The following TUSC3 variants were observed in gnomAD, a reference collection of about 807,000 sequenced individuals.
TUSC3 encodes tumor suppressor candidate 3.
Under a neutral mutation model 44.8 loss-of-function variants are expected in TUSC3, and 45 were observed. That is an observed-to-expected ratio of 1.00 (90% CI 0.79 to 1.29). The LOEUF is 1.29. Among genes scored for constraint, TUSC3 ranks in the 50% most tolerant of loss-of-function variants. The pLI, the probability that TUSC3 is intolerant of heterozygous loss-of-function variation, is 0.00. For synonymous variants in TUSC3, 212 were observed against 152.9 expected (o/e 1.39, Z -2.85); for missense variants, 519 against 437.9 (o/e 1.19, Z -1.65).
chr8:15,828,426 A>G, the TUSC3 span, among the ~76,000 whole-genome samples: 6 of 152,302 alleles, frequency 3.9e-5, no homozygotes, highest in South Asian at 1.2e-3. Context: ...TGAACAGAGC[A>G]CTATTTGATT....
Position 15,634,033 on chromosome 8 carries a change from T to A in TUSC3, c.308+10784T>A, listed in dbSNP as rs963170786. On this transcript the variant is annotated intron_variant, in intron 2 of 10. Transcript: ENST00000503731. ...CATTTCAGAGAGATCTCTACTGTGA[T>A]CCGAGGGCTGTATACTTCCATAAAC... Among the ~76,000 whole-genome samples, 9 of 152,294 alleles carry A rather than the reference T, an allele frequency of 5.9e-5. 1 individual carries two copies. In the Middle Eastern group the frequency reaches 0.014, roughly 230 times the overall value.
intron 1 of TUSC3, among the ~76,000 whole-genome samples, chr8:15,570,954 G>GTTTTTTTTTCTTTTTTT (rs1802851052): frequency 2.2e-5 from 1 of 44,494 alleles, no homozygotes; most frequent in African/African-American, 5.7e-5. Flanking sequence ...TTGCCTATTA[G>GTTTTTTTTTCTTTTTTT]TTTTTTTTTT....
chr8:15,779,804 C>T, the TUSC3 span, among the ~76,000 whole-genome samples: 8 of 152,086 alleles, frequency 5.3e-5, no homozygotes, highest in Non-Finnish European at 1.5e-5. Flanking sequence ...CAACATCTAC[C>T]TCTGATTGTA....
At chr8:15,626,442 C>G (rs994392830) in intron 2 of TUSC3, among the ~76,000 whole-genome samples, 1 of 152,188 alleles carries the variant, frequency 6.6e-6, no homozygotes, top group African/African-American at 2.4e-5. Flanking sequence ...CAGACAGTAG[C>G]CCTACCCTGC....
chr8:15,521,637 A>G (rs553504772), intron 2 of TUSC3, among the ~76,000 whole-genome samples: 9 of 152,156 alleles, frequency 5.9e-5, no homozygotes, highest in Non-Finnish European at 1.2e-4. Context: ...AGGTACGTGC[A>G]TAAACTTTAA....
At position 15,540,642 on chromosome 8, in the gene TUSC3, G is replaced by A. The variant is rs117045759; in HGVS notation, c.138+74G>A. On this transcript the variant is annotated intron_variant, in intron 1 of 10. Coordinates refer to ENST00000503731, the MANE Select transcript of TUSC3 (RefSeq NM_006765.4). ...GTGGGCCGCGTTGCCAGGCAGCCCT[G>A]CCGTGTTGCTAGGCAGCCTGGTCGC... is the stretch of plus-strand genomic sequence containing the variant. 108,662 of 1,451,428 alleles carry A rather than the reference G, an allele frequency of 0.075. 5,732 individuals carry two copies. Among genetic ancestry groups the A allele is most frequent in the South Asian group, 0.26 (18,445 of 69,916 alleles). 89.9% of individuals were successfully genotyped at this position (1,451,428 alleles called of 1,614,324 possible).
chr8:15,632,292 T>G (rs1805808046), intron 2 of TUSC3, among the ~76,000 whole-genome samples: 1 of 152,128 alleles, frequency 6.6e-6, no homozygotes, highest in Non-Finnish European at 1.5e-5. Flanking sequence ...CCAAGCAACT[T>G]GCCTTTTATA....
rs2129225709 is a variant in TUSC3, at chr8:15,764,087, C to A, written c.*47-116C>A. 6 of 1,079,648 alleles carry A rather than the reference C, an allele frequency of 5.6e-6. No homozygotes were observed. The South Asian group carries it at 5.9e-5, about 11-fold the overall frequency. 66.9% of individuals were successfully genotyped at this position (1,079,648 alleles called of 1,614,324 possible). On this transcript the variant is annotated intron_variant, in intron 10 of 10. Coordinates refer to ENST00000503731, the MANE Select transcript of TUSC3 (RefSeq NM_006765.4). ...TGTAAAAATTACAATTAGTTGAATACAATTATGACATTTTAATGTTATATT... is the reference window on the plus strand; with the variant it reads ...TGTAAAAATTACAATTAGTTGAATAAAATTATGACATTTTAATGTTATATT...
At chr8:15,466,048 A>G (rs1018010471) in intron 1 of TUSC3, among the ~76,000 whole-genome samples, 1 of 152,192 alleles carries the variant, frequency 6.6e-6, no homozygotes, top group Admixed American at 6.5e-5. Flanking sequence ...TAAACTCAAT[A>G]TATCCCGCTT....
chr8:15,484,707 G>T (rs577113091), intron 2 of TUSC3, among the ~76,000 whole-genome samples: 1 of 152,264 alleles, frequency 6.6e-6, no homozygotes, highest in Admixed American at 6.5e-5. Context: ...GCACAGTGGC[G>T]CAGAGTCAGA....
chr8:15,635,695 G>T (rs781579624), intron 2 of TUSC3, among the ~76,000 whole-genome samples: 11 of 152,280 alleles, frequency 7.2e-5, no homozygotes, highest in South Asian at 2.1e-4. Flanking sequence ...GAACAGATGC[G>T]TATGATGCCT....
At position 15,730,824 on chromosome 8, in the gene TUSC3, T is replaced by C. The variant is rs983269477; in HGVS notation, c.862+95T>C. ...TCCTGGCAGTAAATATCAAGACTTT[T>C]AAGAGACATTAAATTTTAGGCTGTA... On this transcript the variant is annotated intron_variant, in intron 7 of 10. Transcript: ENST00000503731. The C allele has an allele frequency of 2.9e-5, 35 of 1,197,644 alleles. No individual in the cohort carries two copies. The African/African-American group carries it at 4.5e-4, about 16-fold the overall frequency. The allele number at this position is 1,197,644 out of a possible 1,614,324, so 74.2% of individuals were successfully genotyped here.
intron 7 of TUSC3, among the ~76,000 whole-genome samples, chr8:15,738,826 G>T (rs2017708): frequency 0.38 from 43,928 of 114,432 alleles, 9,493 homozygotes; most frequent in East Asian, 0.53. Flanking sequence ...AATATATCTT[G>T]CTTTTTTTTT....
chr8:15,582,260 A>G (rs1803394587), intron 1 of TUSC3, among the ~76,000 whole-genome samples: 1 of 151,926 alleles, frequency 6.6e-6, no homozygotes, highest in Non-Finnish European at 1.5e-5. Context: ...TGCAGAAATC[A>G]CCCGTCTTCT....
intron 1 of TUSC3, among the ~76,000 whole-genome samples, chr8:15,418,625 G>C (rs553864562): frequency 1.6e-4 from 25 of 152,294 alleles, no homozygotes; most frequent in African/African-American, 5.8e-4. Flanking sequence ...TAGGAGGAGA[G>C]TAATCGGTCA....
At chr8:15,806,731 G>A in the TUSC3 span, 2 of 799,274 alleles carry the variant, frequency 2.5e-6, no homozygotes, top group Non-Finnish European at 4.3e-6. Flanking sequence ...CAGCCAGAGA[G>A]GCTTTCACAT....
At chr8:15,689,605 C>T (rs1360226275) in intron 6 of TUSC3, 1 of 155,756 alleles carries the variant, frequency 6.4e-6, no homozygotes, top group Admixed American at 6.5e-5. Flanking sequence ...CAACACCATG[C>T]CTGGCAATCG....
At chr8:15,432,576 A>C (rs539828196) in intron 1 of TUSC3, among the ~76,000 whole-genome samples, 1 of 152,270 alleles carries the variant, frequency 6.6e-6, no homozygotes, top group African/African-American at 2.4e-5. Context: ...TTTTCTTGAT[A>C]ATGAGACATG....
chr8:15,417,417 A>T (rs1389521976), intron 1 of TUSC3: 1 of 152,254 alleles, frequency 6.6e-6, no homozygotes, highest in Non-Finnish European at 1.5e-5. Flanking sequence ...TAAACTCTGC[A>T]AAGTCACAGT....
Sources: gnomAD v4.1 joint callset for allele counts (sites outside exome capture counted in the v4.1 genomes callset) on GRCh38, gnomAD v4.1.1 for gene constraint, MANE v1.5 for transcripts, NCBI Gene and HGNC (gene_info 2026-07-23, HGNC 2026-07-21) for gene names.